Variants in FRAS1 observed in about 807,000 individuals in gnomAD.
FRAS1 encodes the protein Fraser extracellular matrix complex subunit 1.
Under a neutral mutation model 435.2 loss-of-function variants are expected in FRAS1, and 290 were observed. The ratio of observed to expected loss-of-function variants is 0.67; its 90% CI spans 0.61 to 0.73. FRAS1 has a LOEUF of 0.73. FRAS1 is among the 30% of genes least tolerant of loss of function. The pLI, the probability that FRAS1 is intolerant of heterozygous loss-of-function variation, is 0.00. For missense variants in FRAS1, 4,860 were observed against 5,001.5 expected (o/e 0.97, Z 0.85); for synonymous variants, 1,800 against 1,851.0 (o/e 0.97, Z 0.71).
At chr4:78,337,445 T>C (rs1730213722) in intron 19 of FRAS1, among the ~76,000 whole-genome samples, 1 of 152,298 alleles carries the variant, frequency 6.6e-6, no homozygotes, top group East Asian at 1.9e-4. Flanking sequence ...ATTTCTCACA[T>C]ATTTATAGTT....
intron 2 of FRAS1, among the ~76,000 whole-genome samples, chr4:78,086,985 A>T (rs1332615080): frequency 1.3e-5 from 2 of 152,328 alleles, no homozygotes; most frequent in African/African-American, 4.8e-5. Flanking sequence ...AGAGAATTTT[A>T]GACCAATATC....
rs148476448 is a variant in FRAS1, at chr4:78,525,603, A to G, written c.10809-938A>G. On this transcript the variant is annotated intron_variant, in intron 69 of 73. Coordinates refer to ENST00000512123, the MANE Select transcript of FRAS1 (RefSeq NM_025074.7). ...ATAGATAAGTATCCCAAAATGGTCA[A>G]AACAAGCACAGCATTTATGAGAACT... is the stretch of plus-strand genomic sequence containing the variant. 7.2e-5 allele frequency among the ~76,000 whole-genome samples: 11 copies of G among 152,366 alleles called. No homozygotes were observed. In the East Asian group the frequency reaches 2.1e-3, roughly 29 times the overall value.
intron 63 of FRAS1, 82 bp downstream of exon 63, chr4:78,509,088 C>A: frequency 6.8e-7 from 1 of 1,470,266 alleles, no homozygotes; most frequent in Admixed American, 1.8e-5. Context: ...AATCAAATTC[C>A]TTATGGTCCA....
intron 23 of FRAS1, among the ~76,000 whole-genome samples, chr4:78,370,587 C>G (rs1369128049): frequency 1.3e-5 from 2 of 152,202 alleles, no homozygotes; most frequent in East Asian, 1.9e-4. Flanking sequence ...AGATACATTA[C>G]TTTCCTGGGC....
At chr4:78,265,555 A>G (rs1726309019) in intron 7 of FRAS1, among the ~76,000 whole-genome samples, 1 of 152,190 alleles carries the variant, frequency 6.6e-6, no homozygotes, top group African/African-American at 2.4e-5. Flanking sequence ...AAGGGAGGCG[A>G]GAGGCTGTTG....
In FRAS1 at chr4:78,488,954, C is replaced by T. The variant is rs114854941; in HGVS notation, c.8832C>T (p.Ser2944=). Residue 2944 remains serine, a synonymous_variant, in exon 59 of 74, where the codon AGC becomes AGT. Transcript: ENST00000512123. The part of the protein sequence containing the change: ...EGVLHVPITR[S]GDLSYESSVR... ...TCCTGCATGTCCCTATCACTCGGAG[C>T]GGAGACCTGAGCTATGAGTCATCAG... is the stretch of plus-strand genomic sequence containing the variant. The T allele has an allele frequency of 4.8e-3, 7,726 of 1,613,518 alleles. 33 individuals are homozygous for T. The highest frequency in any genetic ancestry group is 6.0e-3 in the Non-Finnish European group (7,066 of 1,179,712).
At chr4:78,418,104 G>C (rs1733623195) in intron 32 of FRAS1, among the ~76,000 whole-genome samples, 1 of 152,140 alleles carries the variant, frequency 6.6e-6, no homozygotes, top group Non-Finnish European at 1.5e-5. Context: ...ACAGGGGAAG[G>C]GATAGTAAAA....
At chr4:78,240,785 C>T (rs943139276) in intron 3 of FRAS1, among the ~76,000 whole-genome samples, 55 of 152,022 alleles carry the variant, frequency 3.6e-4, no homozygotes, top group African/African-American at 1.3e-3. Flanking sequence ...TTGGGGAGCA[C>T]AGTCATTTAA....
intron 51 of FRAS1, among the ~76,000 whole-genome samples, chr4:78,471,161 C>T (rs923457732): frequency 6.6e-6 from 1 of 152,178 alleles, no homozygotes; most frequent in African/African-American, 2.4e-5. Flanking sequence ...ATTTTAAGAT[C>T]TATGCCATAA....
intron 9 of FRAS1, among the ~76,000 whole-genome samples, chr4:78,275,933 C>A (rs953652996): frequency 6.6e-6 from 1 of 152,186 alleles, no homozygotes; most frequent in Non-Finnish European, 1.5e-5. Flanking sequence ...TCCATTCTCC[C>A]CGTCACTTTT....
chr4:78,224,282 T>G (rs1724176978), intron 2 of FRAS1, among the ~76,000 whole-genome samples: 1 of 152,264 alleles, frequency 6.6e-6, no homozygotes, highest in South Asian at 2.1e-4. Context: ...AGTCCTACTT[T>G]CAAATCCTGG....
chr4:78,381,299 TA>T (rs1732005329), intron 27 of FRAS1, among the ~76,000 whole-genome samples: 1 of 152,216 alleles, frequency 6.6e-6, no homozygotes, highest in African/African-American at 2.4e-5. Context: ...TCATTTTTAC[TA>T]TAAGTATTAT....
chr4:78,062,494 GT>G (rs1739803227), intron 1 of FRAS1, among the ~76,000 whole-genome samples: 1 of 152,024 alleles, frequency 6.6e-6, no homozygotes, highest in African/African-American at 2.4e-5. Flanking sequence ...AAATCTTTTT[GT>G]ATCTTAATGG....
At position 78,333,300 on chromosome 4, in the gene FRAS1, A is replaced by G; in HGVS notation, c.2166A>G (p.Ala722=). The G allele has an allele frequency of 6.2e-7, 1 of 1,610,862 alleles. No homozygotes were observed. Among genetic ancestry groups the G allele is most frequent in the Non-Finnish European group, 8.5e-7 (1 of 1,178,500 alleles). Residue 722 remains alanine (A), a synonymous_variant, in exon 19 of 74, where the codon GCA becomes GCG. Coordinates refer to ENST00000512123, the MANE Select transcript of FRAS1 (RefSeq NM_025074.7). The stretch of plus-strand genomic sequence containing the variant: ...GCCACCAGTCCTGTTTCAGATGTGC[A>G]GGGAAAAGCCCACATAACTGCACAG... ...EACHQSCFRC[A]GKSPHNCTDC...
intron 14 of FRAS1, among the ~76,000 whole-genome samples, chr4:78,288,716 G>C (rs910329019): frequency 6.6e-6 from 1 of 152,100 alleles, no homozygotes; most frequent in African/African-American, 2.4e-5. Context: ...GAGAGAGAGA[G>C]AGTGGATCTT....
chr4:78,429,059 T>TGTGC (rs1553958967), intron 35 of FRAS1, 36 bp from the exon 36 acceptor site: 1 of 1,544,598 alleles, frequency 6.5e-7, no homozygotes, highest in Non-Finnish European at 8.8e-7. Context: ...TGTGTGTGTG[T>TGTGC]GTGTCTCTGT....
At chr4:78,226,003 T>G (rs1472968945) in intron 2 of FRAS1, among the ~76,000 whole-genome samples, 1 of 152,208 alleles carries the variant, frequency 6.6e-6, no homozygotes, top group Non-Finnish European at 1.5e-5. Flanking sequence ...CATTATGTTT[T>G]AAATATTTCA....
intron 31 of FRAS1, among the ~76,000 whole-genome samples, chr4:78,412,174 A>G (rs1733365253): frequency 6.8e-6 from 1 of 146,582 alleles, no homozygotes; most frequent in South Asian, 2.1e-4. Flanking sequence ...TTTCTGTTGG[A>G]GTAACTTTTA....
At chr4:78,218,448 C>T (rs200120554) in intron 2 of FRAS1, among the ~76,000 whole-genome samples, 3 of 152,144 alleles carry the variant, frequency 2.0e-5, no homozygotes, top group East Asian at 3.9e-4. Context: ...CAGTTCATTA[C>T]GTGAGCATTG....
Sources: allele counts gnomAD v4.1 joint callset (sites outside exome capture counted in the v4.1 genomes callset), GRCh38; gene constraint gnomAD v4.1.1; transcripts MANE v1.5; gene names NCBI Gene and HGNC (gene_info 2026-07-23, HGNC 2026-07-21).